The following PDGFC variants were observed in gnomAD, a reference collection of about 807,000 sequenced individuals.
The protein encoded by PDGFC is platelet-derived growth factor C.
PDGFC carries 12 observed loss-of-function variants against 35.5 expected under a neutral mutation model. The ratio of observed to expected loss-of-function variants is 0.34; its 90% CI spans 0.22 to 0.55. PDGFC has a LOEUF of 0.55. Ranked by LOEUF, PDGFC falls within the 20% of genes least tolerant of loss-of-function variation. PDGFC has a pLI of 0.91. For synonymous variants in PDGFC, 159 were observed against 148.8 expected, an observed-to-expected ratio of 1.07 and a Z score of -0.50; for missense variants, 322 against 412.4, an observed-to-expected ratio of 0.78 and a Z score of 1.90.
chr4:156,904,259 A>T lies in PDGFC; in HGVS notation c.119-53843T>A, dbSNP rs2110778122. Among the ~76,000 whole-genome samples, 2 of 152,148 alleles carry T rather than the reference A, an allele frequency of 1.3e-5. 1 individual carries two copies. Among genetic ancestry groups the T allele is most frequent in the South Asian group, 4.1e-4 (2 of 4,826 alleles). ...CCTAATTTAACGTGAAAAGTCATGG[A>T]TAAAAGCTGGAAAAAGGAAAGAGAT... On this transcript the variant is annotated intron_variant, in intron 1 of 5. Coordinates refer to ENST00000502773, the MANE Select transcript of PDGFC (RefSeq NM_016205.3).
chr4:156,932,618 C>T (rs1731578429), intron 1 of PDGFC, among the ~76,000 whole-genome samples: 1 of 151,536 alleles, frequency 6.6e-6, no homozygotes, highest in Non-Finnish European at 1.5e-5. Flanking sequence ...AAGCTGGAAA[C>T]CATCATTCTC....
At chr4:156,881,545 A>G (rs1730241902) in intron 1 of PDGFC, among the ~76,000 whole-genome samples, 1 of 152,112 alleles carries the variant, frequency 6.6e-6, no homozygotes, top group East Asian at 1.9e-4. Context: ...ATGATAAGCA[A>G]TAACTCTCAC....
At chr4:156,954,562 A>C (rs1732160006) in intron 1 of PDGFC, among the ~76,000 whole-genome samples, 1 of 152,034 alleles carries the variant, frequency 6.6e-6, no homozygotes, top group African/African-American at 2.4e-5. Flanking sequence ...CTCTATAATA[A>C]ATTGATTGCA....
At chr4:156,856,220 T>C (rs1729576386) in intron 1 of PDGFC, among the ~76,000 whole-genome samples, 1 of 152,108 alleles carries the variant, frequency 6.6e-6, no homozygotes. Flanking sequence ...AAAAAGTGAT[T>C]GCTATATTCA....
intron 1 of PDGFC, among the ~76,000 whole-genome samples, chr4:156,908,573 A>G (rs1354116247): frequency 1.3e-5 from 2 of 152,180 alleles, no homozygotes; most frequent in East Asian, 1.9e-4. Context: ...AAAATAACCT[A>G]TGTGGCAAAA....
intron 1 of PDGFC, among the ~76,000 whole-genome samples, chr4:156,939,363 T>C (rs1015519933): frequency 3.3e-5 from 5 of 152,066 alleles, no homozygotes; most frequent in Non-Finnish European, 5.9e-5. Context: ...GAGTCAGATA[T>C]AGAAACAAGA....
chr4:156,775,840 T>G (rs1470621496), intron 3 of PDGFC, among the ~76,000 whole-genome samples: 1 of 152,132 alleles, frequency 6.6e-6, no homozygotes, highest in Non-Finnish European at 1.5e-5. Flanking sequence ...AATTAAAATT[T>G]GATAAATTTA....
chr4:156,865,658 T>C (rs958741861), intron 1 of PDGFC, among the ~76,000 whole-genome samples: 1 of 152,108 alleles, frequency 6.6e-6, no homozygotes, highest in Non-Finnish European at 1.5e-5. Context: ...TAAGACATTA[T>C]GAACAAAGAG....
chr4:156,944,756 C>T (rs901073896), intron 1 of PDGFC, among the ~76,000 whole-genome samples: 3 of 152,126 alleles, frequency 2.0e-5, no homozygotes, highest in Non-Finnish European at 4.4e-5. Flanking sequence ...ACCTACTTTG[C>T]TCTGGCCTAA....
intron 2 of PDGFC, among the ~76,000 whole-genome samples, chr4:156,825,817 C>T (rs548283830): frequency 6.6e-6 from 1 of 151,550 alleles, no homozygotes; most frequent in South Asian, 2.1e-4. Context: ...AACAGTGTTG[C>T]CTAAACATAT....
Position 156,776,277 on chromosome 4 carries a change from G to A in PDGFC, c.496-3384C>T, listed in dbSNP as rs190189499. On this transcript the variant is annotated intron_variant, in intron 3 of 5. Coordinates refer to ENST00000502773, the MANE Select transcript of PDGFC (RefSeq NM_016205.3). ...ATTTAAAAACACTTATGATTGGGCTGTTAAACTGGTTAGAATATGCAAAAT... is the reference window on the plus strand; with the variant it reads ...ATTTAAAAACACTTATGATTGGGCTATTAAACTGGTTAGAATATGCAAAAT... 2.0e-5 allele frequency among the ~76,000 whole-genome samples: 3 copies of A among 152,314 alleles called. No homozygotes were observed. In the East Asian group the frequency reaches 5.8e-4, roughly 29 times the overall value.
chr4:156,894,587 A>C (rs1357257586), intron 1 of PDGFC, among the ~76,000 whole-genome samples: 1 of 152,234 alleles, frequency 6.6e-6, no homozygotes, highest in Non-Finnish European at 1.5e-5. Context: ...AAACTCAAAA[A>C]TTATGTATTC....
chr4:156,927,689 C>T (rs900235804), intron 1 of PDGFC, among the ~76,000 whole-genome samples: 1 of 152,150 alleles, frequency 6.6e-6, no homozygotes, highest in African/African-American at 2.4e-5. Context: ...ATATCACTAT[C>T]AGCATTTTGG....
intron 2 of PDGFC, among the ~76,000 whole-genome samples, chr4:156,813,770 T>C (rs937314589): frequency 2.0e-5 from 3 of 152,116 alleles, no homozygotes; most frequent in Admixed American, 6.6e-5. Context: ...GCTCGATGTC[T>C]CTTTAAAAAA....
intron 2 of PDGFC, among the ~76,000 whole-genome samples, chr4:156,827,903 A>C (rs1375353222): frequency 6.6e-6 from 1 of 152,204 alleles, no homozygotes; most frequent in Admixed American, 6.5e-5. Context: ...CTATTAGGAA[A>C]TAAGAAAACA....
chr4:156,918,430 T>C (rs1309845168), intron 1 of PDGFC, among the ~76,000 whole-genome samples: 1 of 152,196 alleles, frequency 6.6e-6, no homozygotes. Context: ...GTTATAGCCA[T>C]AGACGATGTC....
At chr4:156,970,660 C>T (rs1012077499) in intron 1 of PDGFC, 126 bp downstream of exon 1, 39 of 698,368 alleles carry the variant, frequency 5.6e-5, no homozygotes, top group African/African-American at 5.2e-4. Flanking sequence ...ACGCAGCGCA[C>T]ATTTGCATGT....
At chr4:156,864,428 A>G (rs1448515101) in intron 1 of PDGFC, among the ~76,000 whole-genome samples, 2 of 152,300 alleles carry the variant, frequency 1.3e-5, no homozygotes, top group South Asian at 2.1e-4. Context: ...TACATGAAGA[A>G]ATTATTTTTT....
intron 1 of PDGFC, among the ~76,000 whole-genome samples, chr4:156,957,526 G>T (rs889402781): frequency 6.6e-6 from 1 of 151,820 alleles, no homozygotes; most frequent in Non-Finnish European, 1.5e-5. Context: ...CCTTGTGATA[G>T]CACTGACTTT....
Sources: gnomAD v4.1 joint callset for allele counts (sites outside exome capture counted in the v4.1 genomes callset) on GRCh38, gnomAD v4.1.1 for gene constraint, MANE v1.5 for transcripts, NCBI Gene and HGNC (gene_info 2026-07-23, HGNC 2026-07-21) for gene names.